The following MICU1 variants were observed in gnomAD, a reference collection of about 807,000 sequenced individuals.
MICU1 encodes the protein calcium uptake protein 1, mitochondrial.
In MICU1, 45 loss-of-function variants were observed where a neutral mutation model predicts 56.8. The ratio of observed to expected loss-of-function variants is 0.79; its 90% CI spans 0.62 to 1.02. The LOEUF (loss-of-function observed/expected upper bound fraction) is 1.02. MICU1 is among the 50% of genes least tolerant of loss of function. MICU1 has a pLI of 0.00. For missense variants in MICU1, 504 were observed against 587.1 expected (o/e 0.86, Z 1.46); for synonymous variants, 186 against 195.1 (o/e 0.95, Z 0.39).
At chr10:72,543,494 C>T (rs779834494) in intron 4 of MICU1, among the ~76,000 whole-genome samples, 6 of 136,116 alleles carry the variant, frequency 4.4e-5, no homozygotes, top group South Asian at 2.3e-4. Context: ...GGCAACATAG[C>T]GAGACCCCAT....
At chr10:72,581,683 T>A (rs1166758938) in intron 1 of MICU1, among the ~76,000 whole-genome samples, 1 of 152,106 alleles carries the variant, frequency 6.6e-6, no homozygotes, top group Non-Finnish European at 1.5e-5. Flanking sequence ...TCAATTAAAC[T>A]AGAGTAAATA....
At chr10:72,617,745 T>C (rs988896345) in intron 1 of MICU1, among the ~76,000 whole-genome samples, 2 of 152,120 alleles carry the variant, frequency 1.3e-5, no homozygotes, top group Admixed American at 6.6e-5. Context: ...GATGGAAGGA[T>C]TGCTTGAGCC....
rs545757623 is a variant in MICU1, at chr10:72,477,435, T to C, written c.653-179A>G. On this transcript the variant is annotated intron_variant, in intron 6 of 11. Coordinates refer to ENST00000361114, the MANE Select transcript of MICU1 (RefSeq NM_001195518.2). Reference sequence around the variant, plus strand: ...TTTATTGAGATCACCCTTTTAGGAATACTCCTTGAAACCAAAAAAGAGTAG... The same window carrying C: ...TTTATTGAGATCACCCTTTTAGGAACACTCCTTGAAACCAAAAAAGAGTAG... 185 of 1,375,840 alleles carry C rather than the reference T, an allele frequency of 1.3e-4. No homozygotes were observed. In the African/African-American group the frequency reaches 2.2e-3, roughly 16 times the overall value. The allele number at this position is 1,375,840 out of a possible 1,614,324, so 85.2% of individuals were successfully genotyped here. A position where few individuals can be genotyped will look rare whatever the true frequency, so the allele number is the denominator to read the frequency against.
At chr10:72,405,576 C>T (rs76047064) in intron 10 of MICU1, among the ~76,000 whole-genome samples, 26 of 129,666 alleles carry the variant, frequency 2.0e-4, no homozygotes, top group African/African-American at 7.4e-4. Flanking sequence ...AAAGACATTA[C>T]AAAAAAAAAA....
At position 72,370,471 on chromosome 10, in the gene MICU1, A is replaced by AC. The variant is rs1484728047; in HGVS notation, c.1271-2117dup. Among the ~76,000 whole-genome samples the AC allele has an allele frequency of 8.6e-5, 13 of 150,976 alleles. No homozygotes were observed. The East Asian group carries it at 1.8e-3, about 20-fold the overall frequency. ...GTATGGGCATCCTCAGAGACAGGAA[A>AC]CCCCCCACAGCAAGACAAAACCCAA... On this transcript the variant is annotated intron_variant, in intron 11 of 11. Transcript: ENST00000361114.
intron 10 of MICU1, among the ~76,000 whole-genome samples, chr10:72,403,800 C>T (rs1162618583): frequency 6.6e-6 from 1 of 150,904 alleles, no homozygotes; most frequent in Non-Finnish European, 1.5e-5. Flanking sequence ...GGACTACAGT[C>T]GCCCATCACC....
chr10:72,592,198 C>T (rs1284039697), intron 1 of MICU1, among the ~76,000 whole-genome samples: 5 of 151,720 alleles, frequency 3.3e-5, no homozygotes, highest in East Asian at 3.9e-4. Flanking sequence ...TTAGTGCAAA[C>T]GGGGTTTCAC....
chr10:72,431,544 A>C (rs1010103562), intron 8 of MICU1, among the ~76,000 whole-genome samples: 1 of 152,210 alleles, frequency 6.6e-6, no homozygotes, highest in Non-Finnish European at 1.5e-5. Flanking sequence ...TGCTGATGAA[A>C]GAAAAACAAG....
chr10:72,438,400 C>T (rs184638397), intron 8 of MICU1, among the ~76,000 whole-genome samples: 6,422 of 148,218 alleles, frequency 0.043, 428 homozygotes, highest in African/African-American at 0.15. Context: ...TTTAAAGCAG[C>T]GTGTAGAGGG....
At chr10:72,622,741 C>T (rs1280119423) in intron 1 of MICU1, among the ~76,000 whole-genome samples, 2 of 151,956 alleles carry the variant, frequency 1.3e-5, no homozygotes, top group African/African-American at 4.8e-5. Context: ...ATTGTATTTT[C>T]GATAATGTTT....
chr10:72,596,864 C>A (rs1208947400), intron 1 of MICU1, among the ~76,000 whole-genome samples: 2 of 150,346 alleles, frequency 1.3e-5, no homozygotes, highest in East Asian at 3.9e-4. Context: ...CAGAGGAAGA[C>A]CCCGTCTCAA....
At chr10:72,560,870 A>AAAAC (rs1211461808) in intron 3 of MICU1, among the ~76,000 whole-genome samples, 1 of 152,234 alleles carries the variant, frequency 6.6e-6, no homozygotes, top group Non-Finnish European at 1.5e-5. Flanking sequence ...ACTCCATCTC[A>AAAAC]AAACAAACAA....
intron 8 of MICU1, among the ~76,000 whole-genome samples, chr10:72,458,623 G>A (rs2132231336): frequency 6.6e-6 from 1 of 152,040 alleles, no homozygotes; most frequent in East Asian, 1.9e-4. Context: ...GAGATGCCAG[G>A]AAGTATAGGT....
chr10:72,500,290 ATATATATATATATTTTTTTTTTTTTTTTT>A (rs1867011942), intron 6 of MICU1, among the ~76,000 whole-genome samples: 1 of 7,784 alleles, frequency 1.3e-4, no homozygotes, highest in African/African-American at 2.1e-4. Flanking sequence ...ATATATATAT[ATATATATATATATTTTTTTTTTTTTTTTT>A]TTTTTTTTTT....
intron 1 of MICU1, among the ~76,000 whole-genome samples, chr10:72,599,124 G>T (rs1184068223): frequency 1.3e-5 from 2 of 152,140 alleles, no homozygotes; most frequent in African/African-American, 4.8e-5. Flanking sequence ...GCAAGCCAAT[G>T]TAGGTGGTAA....
At chr10:72,574,783 G>GA (rs1216743160) in intron 1 of MICU1, among the ~76,000 whole-genome samples, 2 of 152,126 alleles carry the variant, frequency 1.3e-5, no homozygotes, top group Non-Finnish European at 2.9e-5. Flanking sequence ...GCTTTATTAG[G>GA]AAACAGGCAG....
At chr10:72,602,943 TAAAAATACA>T (rs1429165408) in intron 1 of MICU1, among the ~76,000 whole-genome samples, 3 of 151,970 alleles carry the variant, frequency 2.0e-5, no homozygotes, top group Non-Finnish European at 4.4e-5. Context: ...CCGCCTCTGC[TAAAAATACA>T]AAAAATACAA....
At chr10:72,586,013 CTTTTTTTTTT>C (rs71021511) in intron 1 of MICU1, among the ~76,000 whole-genome samples, 4 of 74,682 alleles carry the variant, frequency 5.4e-5, no homozygotes, top group African/African-American at 1.7e-4. Flanking sequence ...TTTTTTTTTT[CTTTTTTTTTT>C]TTTTTTTTTG....
chr10:72,405,101 G>T (rs1418743648), intron 10 of MICU1, among the ~76,000 whole-genome samples: 1 of 151,932 alleles, frequency 6.6e-6, no homozygotes, highest in Non-Finnish European at 1.5e-5. Context: ...TACAGATGGG[G>T]TTTCACCATG....
Sources: allele counts gnomAD v4.1 joint callset (sites outside exome capture counted in the v4.1 genomes callset), GRCh38; gene constraint gnomAD v4.1.1; transcripts MANE v1.5; gene names NCBI Gene and HGNC (gene_info 2026-07-23, HGNC 2026-07-21).